TENM3: variants seen among roughly 807,000 people sequenced by gnomAD.
The protein encoded by TENM3 is teneurin-3.
TENM3 carries 63 observed loss-of-function variants against 255.1 expected under a neutral mutation model. The ratio of observed to expected loss-of-function variants is 0.25; its 90% CI spans 0.20 to 0.30. The LOEUF (loss-of-function observed/expected upper bound fraction) is 0.30. TENM3 is among the 10% of genes least tolerant of loss of function. The pLI is 1.00. For synonymous variants in TENM3, 1,306 were observed against 1,322.3 expected, an observed-to-expected ratio of 0.99 and a Z score of 0.27; for missense variants, 2,929 against 3,461.1, an observed-to-expected ratio of 0.85 and a Z score of 3.86.
At chr4:181,639,902 GT>G in the TENM3 span, among the ~76,000 whole-genome samples, 1 of 152,194 alleles carries the variant, frequency 6.6e-6, no homozygotes, top group Admixed American at 6.5e-5. Flanking sequence ...GCCCCTGCGT[GT>G]GTGGGCGTAT....
intron 3 of TENM3, among the ~76,000 whole-genome samples, chr4:182,556,224 C>T (rs1280901286): frequency 1.3e-5 from 2 of 152,218 alleles, no homozygotes; most frequent in Non-Finnish European, 2.9e-5. Flanking sequence ...AGCACAAAAA[C>T]TCCAATAACA....
At chr4:182,494,436 T>C (rs1407623210) in intron 3 of TENM3, among the ~76,000 whole-genome samples, 2 of 152,194 alleles carry the variant, frequency 1.3e-5, no homozygotes, top group Admixed American at 6.5e-5. Flanking sequence ...TGGTTATTGT[T>C]GTTCATCTCT....
At chr4:182,127,427 AT>A in the TENM3 span, among the ~76,000 whole-genome samples, 1 of 152,232 alleles carries the variant, frequency 6.6e-6, no homozygotes, top group East Asian at 1.9e-4. Context: ...TGTCATGTTA[AT>A]TTTTCATATA....
chr4:181,926,626 C>T, the TENM3 span, among the ~76,000 whole-genome samples: 1 of 152,010 alleles, frequency 6.6e-6, no homozygotes, highest in African/African-American at 2.4e-5. Flanking sequence ...ATTTCCCTAC[C>T]TTTAATGAAA....
At chr4:182,241,711 GT>G (rs150159556), upstream of TENM3, among the ~76,000 whole-genome samples, 29,988 of 151,400 alleles carry the variant, frequency 0.2, 3,226 homozygotes, top group African/African-American at 0.28. Context: ...GTTTTCCCAT[GT>G]TGGTCAGGCT....
At chr4:181,622,804 C>T in the TENM3 span, among the ~76,000 whole-genome samples, 3 of 152,122 alleles carry the variant, frequency 2.0e-5, no homozygotes, top group Non-Finnish European at 2.9e-5. Flanking sequence ...CCCAACCTTC[C>T]ACATTCCCTT....
the TENM3 span, among the ~76,000 whole-genome samples, chr4:181,752,853 A>G: frequency 6.6e-6 from 1 of 152,174 alleles, no homozygotes; most frequent in Non-Finnish European, 1.5e-5. Context: ...AGTACTGAAA[A>G]AAAAAAGAAA....
chr4:181,679,198 C>A, the TENM3 span, among the ~76,000 whole-genome samples: 2 of 152,114 alleles, frequency 1.3e-5, no homozygotes, highest in Non-Finnish European at 2.9e-5. Flanking sequence ...CAACCTATAA[C>A]CAATCCAGCC....
the TENM3 span, among the ~76,000 whole-genome samples, chr4:182,023,009 T>C: frequency 1.3e-5 from 2 of 152,218 alleles, no homozygotes; most frequent in East Asian, 1.9e-4. Context: ...CACAGTGCTG[T>C]CAGCAGCAGA....
intron 1 of TENM3, among the ~76,000 whole-genome samples, chr4:182,186,564 C>T (rs1236856775): frequency 5.3e-5 from 8 of 150,268 alleles, no homozygotes; most frequent in South Asian, 2.1e-4. Context: ...TGTTATTTAC[C>T]GGAAAGTAAT....
At chr4:182,055,216 G>A in the TENM3 span, among the ~76,000 whole-genome samples, 1 of 152,024 alleles carries the variant, frequency 6.6e-6, no homozygotes, top group African/African-American at 2.4e-5. Flanking sequence ...GCATGGTGGT[G>A]CACACCTATA....
At chr4:182,279,741 A>G (rs921756979) in intron 1 of TENM3, among the ~76,000 whole-genome samples, 1 of 152,158 alleles carries the variant, frequency 6.6e-6, no homozygotes, top group Non-Finnish European at 1.5e-5. Flanking sequence ...AGTGGATCGC[A>G]GAATAGTCAT....
intron 3 of TENM3, among the ~76,000 whole-genome samples, chr4:182,496,589 A>G (rs1298576830): frequency 6.6e-6 from 1 of 152,054 alleles, no homozygotes; most frequent in Non-Finnish European, 1.5e-5. Context: ...AGTCATTGTA[A>G]ATTTTAGTGC....
the TENM3 span, among the ~76,000 whole-genome samples, chr4:182,089,032 T>G: frequency 6.6e-6 from 1 of 152,096 alleles, no homozygotes. Flanking sequence ...AATTAGTCCC[T>G]CAACCCTTCT....
intron 3 of TENM3, among the ~76,000 whole-genome samples, chr4:182,539,359 G>A (rs1740642381): frequency 6.6e-6 from 1 of 152,086 alleles, no homozygotes; most frequent in South Asian, 2.1e-4. Flanking sequence ...TGAGCTAGCA[G>A]TGACTTCTCC....
chr4:182,234,401 T>C (rs1447266620), intron 1 of TENM3, among the ~76,000 whole-genome samples: 1 of 152,136 alleles, frequency 6.6e-6, no homozygotes, highest in Non-Finnish European at 1.5e-5. Context: ...AAACCTACTA[T>C]GTGTGAAATA....
chr4:182,335,950 A>G (rs1017608925), intron 2 of TENM3, among the ~76,000 whole-genome samples: 2 of 152,204 alleles, frequency 1.3e-5, no homozygotes, highest in Admixed American at 6.5e-5. Flanking sequence ...AGTGTGGGAA[A>G]GGCGGTAGCT....
rs181391000 is a variant in TENM3 at position 182,467,079 on chromosome 4, C to T, written c.511+120150C>T. Among the ~76,000 whole-genome samples, 485 of 152,098 alleles carry T rather than the reference C, an allele frequency of 3.2e-3. 5 individuals are homozygous for T. The highest frequency in any genetic ancestry group is 9.5e-3 in the African/African-American group (396 of 41,510). ...GGGAAATTAAAATTTAGTTTTTATG[C>T]TTTTTTTATTTCAGAATTTTAAAAA... On this transcript the variant is annotated intron_variant, in intron 3 of 27. Coordinates refer to ENST00000511685, the MANE Select transcript of TENM3 (RefSeq NM_001080477.4).
chr4:181,652,314 A>G, the TENM3 span, among the ~76,000 whole-genome samples: 2 of 152,188 alleles, frequency 1.3e-5, no homozygotes, highest in African/African-American at 2.4e-5. Context: ...TAAGGGCACA[A>G]TAAGATATAC....
Sources: gnomAD v4.1 joint callset for allele counts (sites outside exome capture counted in the v4.1 genomes callset) on GRCh38, gnomAD v4.1.1 for gene constraint, MANE v1.5 for transcripts, NCBI Gene and HGNC (gene_info 2026-07-23, HGNC 2026-07-21) for gene names.